The following TENM3 variants were observed in gnomAD, a reference collection of about 807,000 sequenced individuals.
TENM3 encodes the protein teneurin-3.
In TENM3, 63 loss-of-function variants were observed where a neutral mutation model predicts 255.1. The ratio of observed to expected loss-of-function variants is 0.25; its 90% CI spans 0.20 to 0.30. TENM3 has a LOEUF of 0.30. TENM3 is among the 10% of genes least tolerant of loss of function. The pLI, the probability that TENM3 is intolerant of heterozygous loss-of-function variation, is 1.00. For missense variants in TENM3, 2,929 were observed against 3,461.1 expected (o/e 0.85, Z 3.86); for synonymous variants, 1,306 against 1,322.3 (o/e 0.99, Z 0.27).
In TENM3 at chr4:182,555,770, T is replaced by C. The variant is rs73872433; in HGVS notation, c.512-45154T>C. ...TCTTGATTTTATGATTTGTAAAATA[T>C]GCTTTTTTAAATTTCCTGAAAATTA... On this transcript the variant is annotated intron_variant, in intron 3 of 27. Coordinates refer to ENST00000511685, the MANE Select transcript of TENM3 (RefSeq NM_001080477.4). 5.0e-3 allele frequency among the ~76,000 whole-genome samples: 759 copies of C among 152,332 alleles called. 8 individuals carry two copies. The highest frequency in any genetic ancestry group is 0.017 in the African/African-American group (708 of 41,582).
At chr4:182,095,324 G>A in the TENM3 span, among the ~76,000 whole-genome samples, 14 of 152,010 alleles carry the variant, frequency 9.2e-5, no homozygotes, top group Non-Finnish European at 1.8e-4. Flanking sequence ...GTACACATTG[G>A]AATATTACAC....
chr4:181,556,362 G>A, the TENM3 span, among the ~76,000 whole-genome samples: 5 of 151,778 alleles, frequency 3.3e-5, no homozygotes, highest in East Asian at 9.7e-4. Context: ...CTAATTTGTG[G>A]GGTTTTTTTC....
chr4:181,809,087 C>T, the TENM3 span, among the ~76,000 whole-genome samples: 10 of 152,312 alleles, frequency 6.6e-5, no homozygotes, highest in African/African-American at 2.4e-4. Flanking sequence ...ACATTTGAGT[C>T]TTTTAACTGC....
At chr4:181,890,206 A>C in the TENM3 span, among the ~76,000 whole-genome samples, 1 of 152,220 alleles carries the variant, frequency 6.6e-6, no homozygotes, top group Non-Finnish European at 1.5e-5. Context: ...TTTTGAATTA[A>C]TGCAAGACAT....
At chr4:182,544,131 CT>C (rs1741177936) in intron 3 of TENM3, among the ~76,000 whole-genome samples, 1 of 152,066 alleles carries the variant, frequency 6.6e-6, no homozygotes, top group Non-Finnish European at 1.5e-5. Flanking sequence ...GTTTATATAA[CT>C]AATAACAAAT....
chr4:182,677,519 G>C (rs1755763541), intron 7 of TENM3, among the ~76,000 whole-genome samples: 1 of 152,136 alleles, frequency 6.6e-6, no homozygotes, highest in Non-Finnish European at 1.5e-5. Flanking sequence ...AACCTGATGA[G>C]GAAATGAATG....
At position 182,568,789 on chromosome 4, in the gene TENM3, TA is replaced by T. The variant is rs1446406313; in HGVS notation, c.512-32132del. Among the ~76,000 whole-genome samples the T allele has an allele frequency of 2.0e-5, 3 of 152,108 alleles. No individual in the cohort carries two copies. The East Asian group carries it at 5.8e-4, about 29-fold the overall frequency. On this transcript the variant is annotated intron_variant, in intron 3 of 27. Coordinates refer to ENST00000511685, the MANE Select transcript of TENM3 (RefSeq NM_001080477.4). ...ATATATTCATTCAATGGAATAATAT[TA>T]AACAATAAAAAAGAACAAAGCACGG...
chr4:181,822,052 G>A, the TENM3 span, among the ~76,000 whole-genome samples: 6 of 152,294 alleles, frequency 3.9e-5, no homozygotes, highest in South Asian at 2.1e-4. Flanking sequence ...TTTGGTAAAT[G>A]AACAGGAGAC....
the TENM3 span, among the ~76,000 whole-genome samples, chr4:182,071,485 G>A: frequency 4.4e-5 from 6 of 137,484 alleles, no homozygotes; most frequent in Non-Finnish European, 9.2e-5. Context: ...TTGCTCATTC[G>A]CCCATGCTGG....
chr4:181,732,660 C>G, the TENM3 span, among the ~76,000 whole-genome samples: 3 of 151,848 alleles, frequency 2.0e-5, no homozygotes, highest in African/African-American at 7.3e-5. Context: ...TCAGTTAGTT[C>G]CAATTAATAG....
chr4:181,502,980 C>A, the TENM3 span, among the ~76,000 whole-genome samples: 735 of 152,258 alleles, frequency 4.8e-3, 8 homozygotes, highest in African/African-American at 0.017. Flanking sequence ...CACTCGCTGG[C>A]CGTGACCATT....
the TENM3 span, among the ~76,000 whole-genome samples, chr4:181,527,410 C>A: frequency 6.6e-6 from 1 of 151,710 alleles, no homozygotes; most frequent in African/African-American, 2.4e-5. Context: ...GCTTTGTCAC[C>A]CAGGCTGGAG....
At chr4:181,718,933 G>A in the TENM3 span, among the ~76,000 whole-genome samples, 16,484 of 152,092 alleles carry the variant, frequency 0.11, 1,089 homozygotes, top group African/African-American at 0.2. Flanking sequence ...TGGGCCGGGC[G>A]CGGCGGCTCA....
chr4:182,480,047 G>T (rs181487159), intron 3 of TENM3, among the ~76,000 whole-genome samples: 2 of 151,892 alleles, frequency 1.3e-5, no homozygotes, highest in Non-Finnish European at 2.9e-5. Context: ...ATGATGGATA[G>T]CAACAGGAAG....
At chr4:182,263,105 C>A (rs1164624830) in intron 1 of TENM3, among the ~76,000 whole-genome samples, 1 of 152,042 alleles carries the variant, frequency 6.6e-6, no homozygotes, top group African/African-American at 2.4e-5. Context: ...TTTCTCTGTC[C>A]TGTAACATAA....
the TENM3 span, among the ~76,000 whole-genome samples, chr4:181,699,342 G>T: frequency 6.8e-6 from 1 of 146,630 alleles, no homozygotes; most frequent in African/African-American, 2.5e-5. Flanking sequence ...GAGACAGGGG[G>T]ATCCCAGAAG....
intron 3 of TENM3, among the ~76,000 whole-genome samples, chr4:182,417,740 T>C (rs925177841): frequency 2.0e-5 from 3 of 152,170 alleles, no homozygotes; most frequent in African/African-American, 7.2e-5. Context: ...TACATTGTTA[T>C]AGTATTTAAG....
intron 2 of TENM3, among the ~76,000 whole-genome samples, chr4:182,328,705 A>G (rs1382339891): frequency 6.6e-6 from 1 of 151,456 alleles, no homozygotes; most frequent in Non-Finnish European, 1.5e-5. Flanking sequence ...ACTCCCAGAA[A>G]CTCCCCTCTT....
the TENM3 span, among the ~76,000 whole-genome samples, chr4:181,941,038 A>G: frequency 3.9e-5 from 6 of 152,248 alleles, no homozygotes; most frequent in African/African-American, 9.6e-5. Context: ...ATAACTGGAA[A>G]GATGGTGTAA....
Sources: gnomAD v4.1 joint callset for allele counts (sites outside exome capture counted in the v4.1 genomes callset) on GRCh38, gnomAD v4.1.1 for gene constraint, MANE v1.5 for transcripts, NCBI Gene and HGNC (gene_info 2026-07-23, HGNC 2026-07-21) for gene names.